NAALADL2: variants seen among roughly 807,000 people sequenced by gnomAD.
NAALADL2 encodes the protein inactive N-acetylated-alpha-linked acidic dipeptidase-like protein 2.
A neutral mutation model predicts 87.2 loss-of-function variants in NAALADL2; 76 were observed. The ratio of observed to expected loss-of-function variants is 0.87; its 90% CI spans 0.72 to 1.05. The LOEUF is 1.05. NAALADL2 is among the 50% of genes least tolerant of loss of function. The probability of loss-of-function intolerance (pLI) is 0.00; values close to 1 mark genes in which losing one functional copy is unlikely to be tolerated. For synonymous variants in NAALADL2, 354 were observed against 331.0 expected (o/e 1.07, Z -0.75); for missense variants, 1,089 against 945.8 (o/e 1.15, Z -1.99).
intron 2 of NAALADL2, among the ~76,000 whole-genome samples, chr3:174,650,008 A>G (rs1724191102): frequency 6.6e-6 from 1 of 152,096 alleles, no homozygotes; most frequent in Non-Finnish European, 1.5e-5. Flanking sequence ...CCACTTTTAT[A>G]AAGCTATTTC....
chr3:175,365,818 A>G (rs1765487310), intron 5 of NAALADL2, among the ~76,000 whole-genome samples: 1 of 147,754 alleles, frequency 6.8e-6, no homozygotes, highest in Non-Finnish European at 1.5e-5. Context: ...ATTTGAAAGC[A>G]ACTGTAATGA....
intron 1 of NAALADL2, among the ~76,000 whole-genome samples, chr3:175,048,775 C>T (rs1388757159): frequency 6.6e-6 from 1 of 152,040 alleles, no homozygotes; most frequent in Non-Finnish European, 1.5e-5. Context: ...TCTTTGGCAA[C>T]TGTAACATTA....
intron 7 of NAALADL2, among the ~76,000 whole-genome samples, chr3:175,463,701 G>GGAGAGAGAGAGA (rs10591566): frequency 7.6e-4 from 88 of 115,494 alleles, no homozygotes; most frequent in African/African-American, 3.2e-3. Context: ...CTTAGTCGGG[G>GGAGAGAGAGAGA]GAGAGAGAGA....
chr3:175,195,140 G>T (rs1309697073), intron 2 of NAALADL2, among the ~76,000 whole-genome samples: 1 of 151,454 alleles, frequency 6.6e-6, no homozygotes, highest in Non-Finnish European at 1.5e-5. Flanking sequence ...TAGTTTATTT[G>T]GATGATAATT....
intron 3 of NAALADL2, among the ~76,000 whole-genome samples, chr3:174,760,546 G>A (rs1712792638): frequency 6.6e-6 from 1 of 152,200 alleles, no homozygotes. Flanking sequence ...TTTATTCATG[G>A]TGGAGAATTT....
intron 2 of NAALADL2, among the ~76,000 whole-genome samples, chr3:174,666,999 A>G (rs1343768314): frequency 6.6e-6 from 1 of 152,164 alleles, no homozygotes; most frequent in East Asian, 1.9e-4. Flanking sequence ...ATGTTGTAGC[A>G]TATGACAAGA....
chr3:175,274,856 T>A (rs1753350826), intron 4 of NAALADL2, among the ~76,000 whole-genome samples: 1 of 152,188 alleles, frequency 6.6e-6, no homozygotes. Context: ...ATATTTTCAT[T>A]TTATTGACAT....
At chr3:174,676,484 A>G (rs923236497) in intron 2 of NAALADL2, among the ~76,000 whole-genome samples, 2 of 152,028 alleles carry the variant, frequency 1.3e-5, no homozygotes, top group African/African-American at 2.4e-5. Flanking sequence ...CATTACTTAC[A>G]TATGCAAACA....
At chr3:175,357,926 G>A (rs1267783661) in intron 5 of NAALADL2, among the ~76,000 whole-genome samples, 1 of 152,142 alleles carries the variant, frequency 6.6e-6, no homozygotes, top group Non-Finnish European at 1.5e-5. Context: ...CCAGAAACCA[G>A]CTGACAACAT....
intron 2 of NAALADL2, among the ~76,000 whole-genome samples, chr3:174,657,547 C>T (rs980022165): frequency 6.6e-6 from 1 of 152,042 alleles, no homozygotes; most frequent in Non-Finnish European, 1.5e-5. Context: ...TATGCCTGTG[C>T]CCCCACACAT....
chr3:175,483,631 G>T (rs1251328626), intron 9 of NAALADL2, among the ~76,000 whole-genome samples: 5 of 151,950 alleles, frequency 3.3e-5, no homozygotes, highest in Admixed American at 6.6e-5. Flanking sequence ...GGACTAGGTT[G>T]CAGAGGACCG....
intron 1 of NAALADL2, among the ~76,000 whole-genome samples, chr3:174,452,424 A>G (rs868225073): frequency 7.9e-5 from 12 of 152,042 alleles, no homozygotes; most frequent in African/African-American, 2.9e-4. Flanking sequence ...ACAAGTGTAT[A>G]CCCTGCTGCA....
chr3:174,885,064 T>C (rs73045468), intron 1 of NAALADL2, among the ~76,000 whole-genome samples: 3,906 of 152,160 alleles, frequency 0.026, 146 homozygotes, highest in African/African-American at 0.083. Flanking sequence ...GATGGGGAAG[T>C]TGTTTCTTCT....
intron 6 of NAALADL2, among the ~76,000 whole-genome samples, chr3:175,453,395 A>G (rs544430851): frequency 6.6e-6 from 1 of 152,234 alleles, no homozygotes; most frequent in South Asian, 2.1e-4. Flanking sequence ...TCTGTTCAGT[A>G]TTATCCAAAT....
chr3:174,726,914 C>G (rs140996691), intron 2 of NAALADL2, among the ~76,000 whole-genome samples: 2 of 152,104 alleles, frequency 1.3e-5, no homozygotes, highest in Non-Finnish European at 2.9e-5. Flanking sequence ...CCATGCTAGC[C>G]CCTTTCTGAT....
intron 13 of NAALADL2, among the ~76,000 whole-genome samples, chr3:175,778,453 T>C (rs2150203139): frequency 6.6e-6 from 1 of 152,262 alleles, no homozygotes; most frequent in African/African-American, 2.4e-5. Flanking sequence ...AAAGTTCCTT[T>C]TGGAAAAACT....
At chr3:175,242,835 A>C (rs946400813) in intron 3 of NAALADL2, among the ~76,000 whole-genome samples, 1 of 152,198 alleles carries the variant, frequency 6.6e-6, no homozygotes, top group African/African-American at 2.4e-5. Flanking sequence ...GGCATTTAAA[A>C]TTGCTTGGCT....
At chr3:175,761,278 T>C (rs192414998) in intron 13 of NAALADL2, among the ~76,000 whole-genome samples, 86 of 152,336 alleles carry the variant, frequency 5.6e-4, no homozygotes, top group African/African-American at 2.0e-3. Context: ...TTTTGCCTTT[T>C]CCAGAATGTC....
chr3:175,094,917 C>T (rs1310929406), intron 1 of NAALADL2, among the ~76,000 whole-genome samples: 1 of 151,946 alleles, frequency 6.6e-6, no homozygotes, highest in Non-Finnish European at 1.5e-5. Flanking sequence ...CTCATACAGA[C>T]TATCCACTAC....
Sources: allele counts gnomAD v4.1 joint callset (sites outside exome capture counted in the v4.1 genomes callset), GRCh38; gene constraint gnomAD v4.1.1; transcripts MANE v1.5; gene names NCBI Gene and HGNC (gene_info 2026-07-23, HGNC 2026-07-21).